SSBP2: variants seen among roughly 807,000 people sequenced by gnomAD.
SSBP2 encodes the protein single-stranded DNA-binding protein 2.
In SSBP2, 17 loss-of-function variants were observed where a neutral mutation model predicts 61.8. That is an observed-to-expected ratio of 0.28 (90% confidence interval 0.19 to 0.41). The LOEUF (loss-of-function observed/expected upper bound fraction) is 0.41, where lower values mean the gene tolerates loss of function less well. SSBP2 is among the 10% of genes least tolerant of loss of function. SSBP2 has a pLI of 1.00. For synonymous variants in SSBP2, 139 were observed against 141.3 expected (o/e 0.98, Z 0.12); for missense variants, 310 against 458.7 (o/e 0.68, Z 2.96).
At chr5:81,664,945 T>C (rs1055445141) in intron 1 of SSBP2, among the ~76,000 whole-genome samples, 2 of 152,206 alleles carry the variant, frequency 1.3e-5, no homozygotes, top group African/African-American at 4.8e-5. Context: ...ACCAGTGCCA[T>C]GCTATTTTGC....
At chr5:81,494,383 T>C (rs890961347) in intron 5 of SSBP2, among the ~76,000 whole-genome samples, 15 of 152,372 alleles carry the variant, frequency 9.8e-5, no homozygotes, top group Non-Finnish European at 1.6e-4. Context: ...GATCTGTGTA[T>C]GCTACGGACT....
intron 2 of SSBP2, among the ~76,000 whole-genome samples, chr5:81,639,279 T>C (rs1748556769): frequency 6.6e-6 from 1 of 152,210 alleles, no homozygotes; most frequent in African/African-American, 2.4e-5. Flanking sequence ...TCAGCTAAGT[T>C]AGAGTTTACT....
At chr5:81,742,241 T>A (rs532239124) in intron 1 of SSBP2, among the ~76,000 whole-genome samples, 1 of 152,290 alleles carries the variant, frequency 6.6e-6, no homozygotes, top group African/African-American at 2.4e-5. Flanking sequence ...CTGTCAAAAA[T>A]TCACATTAAA....
intron 8 of SSBP2, among the ~76,000 whole-genome samples, chr5:81,469,218 T>C (rs978587583): frequency 6.6e-6 from 1 of 151,914 alleles, no homozygotes; most frequent in Non-Finnish European, 1.5e-5. Flanking sequence ...CAAATGATTC[T>C]CCCAATGATA....
intron 15 of SSBP2, among the ~76,000 whole-genome samples, chr5:81,434,083 G>A (rs1488198756): frequency 6.6e-6 from 1 of 152,194 alleles, no homozygotes; most frequent in African/African-American, 2.4e-5. Context: ...ATGCCTATGA[G>A]AGATTAAGTA....
In SSBP2 at chr5:81,748,103, G is replaced by C. The variant is rs142300182; in HGVS notation, c.62+2878C>G. 2.6e-3 allele frequency among the ~76,000 whole-genome samples: 400 copies of C among 152,202 alleles called. 1 individual carries two copies. Among genetic ancestry groups the C allele is most frequent in the African/African-American group, 8.9e-3 (371 of 41,516 alleles). ...AAGACAAAACAAAGATCTAATACAGGTAAGCACTTGTCAACTATTCACCAT... is the reference window on the plus strand; with the variant it reads ...AAGACAAAACAAAGATCTAATACAGCTAAGCACTTGTCAACTATTCACCAT... On this transcript the variant is annotated intron_variant, in intron 1 of 16. Transcript: ENST00000320672.
At chr5:81,590,192 T>C (rs1775391609) in intron 4 of SSBP2, among the ~76,000 whole-genome samples, 1 of 151,998 alleles carries the variant, frequency 6.6e-6, no homozygotes. Flanking sequence ...ATTCTAGTCA[T>C]AGATTTAAAA....
At chr5:81,592,290 G>T (rs1775580002) in intron 4 of SSBP2, among the ~76,000 whole-genome samples, 1 of 152,242 alleles carries the variant, frequency 6.6e-6, no homozygotes, top group Non-Finnish European at 1.5e-5. Context: ...ATGGGGGAGG[G>T]GCGCCTGCCA....
intron 1 of SSBP2, among the ~76,000 whole-genome samples, chr5:81,738,605 A>G (rs544644124): frequency 1.3e-5 from 2 of 152,302 alleles, no homozygotes; most frequent in African/African-American, 2.4e-5. Flanking sequence ...CCTGTATCCC[A>G]AAGTCTGTGA....
chr5:81,587,459 C>T (rs892963455), intron 4 of SSBP2, among the ~76,000 whole-genome samples: 2 of 152,100 alleles, frequency 1.3e-5, no homozygotes, highest in African/African-American at 4.8e-5. Flanking sequence ...GGGTTGGGCA[C>T]GGTGGTTCAC....
At chr5:81,707,904 G>T (rs997322877) in intron 1 of SSBP2, among the ~76,000 whole-genome samples, 1 of 152,108 alleles carries the variant, frequency 6.6e-6, no homozygotes, top group African/African-American at 2.4e-5. Flanking sequence ...TATCACCAAA[G>T]ATTTGCAATT....
chr5:81,670,315 C>T (rs1180893640), intron 1 of SSBP2, among the ~76,000 whole-genome samples: 1 of 152,040 alleles, frequency 6.6e-6, no homozygotes, highest in African/African-American at 2.4e-5. Context: ...TTGCTGTGAA[C>T]CTAAAAGTTA....
At chr5:81,457,882 G>A (rs992150530) in intron 10 of SSBP2, among the ~76,000 whole-genome samples, 1 of 151,990 alleles carries the variant, frequency 6.6e-6, no homozygotes, top group African/African-American at 2.4e-5. Flanking sequence ...GGCTGGTCTT[G>A]AACTTCTGAC....
chr5:81,599,927 T>G (rs1393822605), intron 4 of SSBP2, among the ~76,000 whole-genome samples: 2 of 152,232 alleles, frequency 1.3e-5, no homozygotes, highest in Admixed American at 6.5e-5. Flanking sequence ...ATGCTGTGTT[T>G]TTATGTTAGG....
At chr5:81,614,599 C>A (rs1261076781) in intron 4 of SSBP2, among the ~76,000 whole-genome samples, 1 of 152,168 alleles carries the variant, frequency 6.6e-6, no homozygotes. Context: ...CCAGCCTCCA[C>A]AAACTTGACA....
At chr5:81,749,520 G>A (rs977636505) in intron 1 of SSBP2, among the ~76,000 whole-genome samples, 1 of 152,176 alleles carries the variant, frequency 6.6e-6, no homozygotes, top group Non-Finnish European at 1.5e-5. Flanking sequence ...TGTGCGCAAG[G>A]TAACCAAAGT....
At chr5:81,595,010 A>G (rs1210019496) in intron 4 of SSBP2, among the ~76,000 whole-genome samples, 1 of 152,132 alleles carries the variant, frequency 6.6e-6, no homozygotes, top group Non-Finnish European at 1.5e-5. Flanking sequence ...AACTGAAGGA[A>G]ATAGAGACAC....
intron 1 of SSBP2, among the ~76,000 whole-genome samples, chr5:81,745,083 A>C (rs1356612815): frequency 6.6e-6 from 1 of 152,164 alleles, no homozygotes; most frequent in Non-Finnish European, 1.5e-5. Context: ...TTTACCAATT[A>C]TGACCAATCA....
intron 10 of SSBP2, among the ~76,000 whole-genome samples, chr5:81,453,052 T>C (rs1039507755): frequency 6.6e-6 from 1 of 151,884 alleles, no homozygotes; most frequent in Non-Finnish European, 1.5e-5. Context: ...CCCAGCACTT[T>C]GGGAGGCTGA....
Sources: allele counts gnomAD v4.1 joint callset (sites outside exome capture counted in the v4.1 genomes callset), GRCh38; gene constraint gnomAD v4.1.1; transcripts MANE v1.5; gene names NCBI Gene and HGNC (gene_info 2026-07-23, HGNC 2026-07-21).